ASIC2: variants seen among roughly 807,000 people sequenced by gnomAD.
ASIC2 encodes the protein acid-sensing ion channel 2.
In ASIC2, 25 loss-of-function variants were observed where a neutral mutation model predicts 57.3. That is an observed-to-expected ratio of 0.44 (90% CI 0.32 to 0.61). The LOEUF (loss-of-function observed/expected upper bound fraction) is 0.61. Among genes scored for constraint, ASIC2 ranks in the 20% least tolerant of loss-of-function variants. The pLI is 0.06. For missense variants in ASIC2, 641 were observed against 738.1 expected, an observed-to-expected ratio of 0.87 and a Z score of 1.52; for synonymous variants, 319 against 307.5, an observed-to-expected ratio of 1.04 and a Z score of -0.39.
chr17:33,417,370 A>G (rs1161036138), intron 1 of ASIC2, among the ~76,000 whole-genome samples: 1 of 152,158 alleles, frequency 6.6e-6, no homozygotes, highest in Non-Finnish European at 1.5e-5. Context: ...TATTCCTTAT[A>G]TGGAATAATC....
intron 2 of ASIC2, among the ~76,000 whole-genome samples, chr17:33,109,714 CT>C (rs149662610): frequency 0.047 from 7,153 of 152,260 alleles, 501 homozygotes; most frequent in African/African-American, 0.16. Flanking sequence ...TGAATTTTCT[CT>C]GAATTGGTAT....
At chr17:33,263,880 A>G (rs1230413366) in intron 1 of ASIC2, among the ~76,000 whole-genome samples, 1 of 152,224 alleles carries the variant, frequency 6.6e-6, no homozygotes, top group Non-Finnish European at 1.5e-5. Flanking sequence ...CGTGAGTCTC[A>G]CATGATACCG....
chr17:33,967,906 G>C (rs750139201), intron 1 of ASIC2, among the ~76,000 whole-genome samples: 41 of 152,178 alleles, frequency 2.7e-4, no homozygotes, highest in Non-Finnish European at 5.6e-4. Flanking sequence ...TCACTGTGTG[G>C]AAATTGTTAA....
At chr17:33,606,701 T>C (rs944157711) in intron 1 of ASIC2, among the ~76,000 whole-genome samples, 3 of 152,176 alleles carry the variant, frequency 2.0e-5, no homozygotes, top group African/African-American at 7.2e-5. Flanking sequence ...CATGAATGAA[T>C]GAATGAATGA....
chr17:34,135,893 T>C (rs1337550552), intron 1 of ASIC2, among the ~76,000 whole-genome samples: 1 of 152,018 alleles, frequency 6.6e-6, no homozygotes, highest in East Asian at 1.9e-4. Flanking sequence ...CTAAAAAAAA[T>C]AATAATGTGG....
intron 1 of ASIC2, chr17:34,006,463 A>G (rs1906527854): frequency 6.6e-6 from 1 of 152,214 alleles, no homozygotes; most frequent in African/African-American, 2.4e-5. Context: ...GGGAAGTGAC[A>G]TGACTGAATT....
At chr17:33,813,645 C>A (rs1255357527) in intron 1 of ASIC2, among the ~76,000 whole-genome samples, 1 of 152,156 alleles carries the variant, frequency 6.6e-6, no homozygotes, top group East Asian at 1.9e-4. Context: ...ACCGTGTTAG[C>A]CAGGATGGTC....
chr17:33,839,721 G>C (rs1423023399), intron 1 of ASIC2, among the ~76,000 whole-genome samples: 1 of 152,138 alleles, frequency 6.6e-6, no homozygotes, highest in Non-Finnish European at 1.5e-5. Context: ...TTTAAAGGAG[G>C]GATAAGGGTC....
intron 1 of ASIC2, among the ~76,000 whole-genome samples, chr17:33,324,782 A>G (rs1907003454): frequency 6.6e-6 from 1 of 152,102 alleles, no homozygotes. Context: ...CTGTCTCCCA[A>G]AGAAAAAAAC....
chr17:33,197,017 A>G (rs563680475), intron 1 of ASIC2, among the ~76,000 whole-genome samples: 1 of 152,336 alleles, frequency 6.6e-6, no homozygotes, highest in South Asian at 2.1e-4. Flanking sequence ...TGGGCACTGA[A>G]CAGCAGCCTG....
intron 1 of ASIC2, among the ~76,000 whole-genome samples, chr17:34,056,504 G>T (rs1039224682): frequency 6.0e-4 from 91 of 152,314 alleles, no homozygotes; most frequent in African/African-American, 2.1e-3. Context: ...GCTGTGAGTG[G>T]TAAAGCATGT....
chr17:34,045,068 C>T (rs943583068), intron 1 of ASIC2, among the ~76,000 whole-genome samples: 3 of 152,068 alleles, frequency 2.0e-5, no homozygotes, highest in African/African-American at 7.2e-5. Context: ...TTAATGAGAC[C>T]AGGGGTTGGG....
At chr17:33,851,030 G>A (rs1597902166) in intron 1 of ASIC2, among the ~76,000 whole-genome samples, 2 of 152,150 alleles carry the variant, frequency 1.3e-5, no homozygotes, top group East Asian at 1.9e-4. Flanking sequence ...AAGAGACTTG[G>A]TGCTAGTTTT....
intron 1 of ASIC2, among the ~76,000 whole-genome samples, chr17:33,575,435 C>T (rs1229263847): frequency 3.3e-5 from 5 of 152,110 alleles, no homozygotes; most frequent in African/African-American, 1.2e-4. Context: ...ATTTCACTAC[C>T]TTTAGGTATA....
In ASIC2 at chr17:33,292,708, G is replaced by C. The variant is rs542930591; in HGVS notation, c.-593C>G. 1 of 985,464 alleles carries C rather than the reference G, an allele frequency of 1.0e-6. No individual in the cohort carries two copies. The highest frequency in any genetic ancestry group is 1.2e-6 in the Non-Finnish European group (1 of 830,070). The allele number at this position is 985,464 out of a possible 1,614,324, so 61.0% of individuals were successfully genotyped here. ...GGCGCACCGCGGCTCCTGGCTGGGC[G>C]GGCGGGGTGGGTGTGTACGGGGGTG... On this transcript the variant is annotated 5_prime_UTR_variant, in exon 1 of 10. Coordinates refer to ENST00000225823, the MANE Select transcript of ASIC2 (RefSeq NM_183377.2).
intron 1 of ASIC2, among the ~76,000 whole-genome samples, chr17:33,216,744 G>T (rs79146782): frequency 0.022 from 3,402 of 152,318 alleles, 87 homozygotes; most frequent in East Asian, 0.13. Context: ...AGGTGATGGG[G>T]AGCCCCAAGA....
chr17:34,086,344 C>T (rs938340078), intron 1 of ASIC2, among the ~76,000 whole-genome samples: 77 of 152,148 alleles, frequency 5.1e-4, no homozygotes, highest in African/African-American at 5.3e-4. Flanking sequence ...TGTAGTTGAG[C>T]GGTTTTGAGT....
rs1030207587 is a variant in ASIC2 at position 33,322,369 on chromosome 17, C to T, written c.556-210302G>A. Among the ~76,000 whole-genome samples, 4 of 152,290 alleles carry T rather than the reference C, an allele frequency of 2.6e-5. No individual in the cohort carries two copies. The South Asian group carries it at 8.3e-4, about 32-fold the overall frequency. On this transcript the variant is annotated intron_variant, in intron 1 of 9. Coordinates refer to the ASIC2 transcript ENST00000359872. ...GAATGAGAGCCTTGTTTTCATGGCC[C>T]TGCTCTGGTGGTTTGCCAGAAGAGT... is the stretch of plus-strand genomic sequence containing the variant.
At chr17:33,504,496 C>T (rs1414875602) in intron 1 of ASIC2, among the ~76,000 whole-genome samples, 2 of 152,126 alleles carry the variant, frequency 1.3e-5, no homozygotes, top group East Asian at 3.9e-4. Context: ...GCCACCACCA[C>T]ACCCAGCTAA....
Sources: allele counts gnomAD v4.1 joint callset (sites outside exome capture counted in the v4.1 genomes callset), GRCh38; gene constraint gnomAD v4.1.1; transcripts MANE v1.5; gene names NCBI Gene and HGNC (gene_info 2026-07-23, HGNC 2026-07-21).